The following XKR6 variants were observed in gnomAD, a reference collection of about 807,000 sequenced individuals.
The protein encoded by XKR6 is XK related 6.
Under a neutral mutation model 56.7 loss-of-function variants are expected in XKR6, and 22 were observed. The ratio of observed to expected loss-of-function variants is 0.39; its 90% CI spans 0.28 to 0.55. XKR6 has a LOEUF of 0.55. XKR6 is among the 20% of genes least tolerant of loss of function. The pLI is 0.66. For synonymous variants in XKR6, 524 were observed against 387.8 expected (o/e 1.35, Z -4.13); for missense variants, 852 against 889.0 (o/e 0.96, Z 0.53).
At chr8:11,171,153 G>C (rs1802347875) in intron 1 of XKR6, among the ~76,000 whole-genome samples, 1 of 152,250 alleles carries the variant, frequency 6.6e-6, no homozygotes, top group Non-Finnish European at 1.5e-5. Context: ...GAACTGCTAA[G>C]AAAGAAAGGA....
intron 1 of XKR6, among the ~76,000 whole-genome samples, chr8:11,193,135 G>A (rs1803673532): frequency 6.6e-6 from 1 of 152,166 alleles, no homozygotes; most frequent in Admixed American, 6.5e-5. Context: ...AAAACAATAT[G>A]TAGCTCTCTG....
At chr8:11,148,253 T>C (rs1009692242) in intron 1 of XKR6, among the ~76,000 whole-genome samples, 1 of 152,036 alleles carries the variant, frequency 6.6e-6, no homozygotes, top group Non-Finnish European at 1.5e-5. Flanking sequence ...AAAATGAGGC[T>C]ATCATGGTGG....
At chr8:11,036,253 G>A (rs1248023818) in intron 1 of XKR6, among the ~76,000 whole-genome samples, 2 of 152,184 alleles carry the variant, frequency 1.3e-5, no homozygotes, top group Non-Finnish European at 1.5e-5. Flanking sequence ...CAGCCTGGAA[G>A]TTCCTTCTTA....
intron 1 of XKR6, among the ~76,000 whole-genome samples, chr8:10,986,725 G>C (rs541557291): frequency 6.6e-6 from 1 of 151,702 alleles, no homozygotes; most frequent in African/African-American, 2.4e-5. Flanking sequence ...TTCAACTTCG[G>C]TTTCCTTATC....
intron 1 of XKR6, among the ~76,000 whole-genome samples, chr8:11,069,488 G>A (rs1017937255): frequency 6.6e-6 from 1 of 152,128 alleles, no homozygotes; most frequent in Non-Finnish European, 1.5e-5. Context: ...ACATGGCTGT[G>A]CCCCCTGTCT....
rs777502800 is a variant in XKR6, at chr8:11,130,764, C to A, written c.764+69812G>T. Among the ~76,000 whole-genome samples the A allele has an allele frequency of 1.4e-4, 21 of 152,094 alleles. No individual in the cohort carries two copies. In the South Asian group the frequency reaches 3.5e-3, roughly 26 times the overall value. On this transcript the variant is annotated intron_variant, in intron 1 of 2. Coordinates refer to ENST00000416569, the MANE Select transcript of XKR6 (RefSeq NM_173683.4). ...AACAAATAAGAAGTACGACAGATGC[C>A]ACACAGGGGGCCTTTGTAAAGAACA... is the stretch of plus-strand genomic sequence containing the variant.
chr8:11,114,735 G>A (rs868580583), intron 1 of XKR6, among the ~76,000 whole-genome samples: 1,728 of 102,398 alleles, frequency 0.017, 33 homozygotes, highest in South Asian at 0.071. Flanking sequence ...ATATGTGTGT[G>A]TGTGTGTGTG....
At chr8:11,106,863 A>AAAAAAAAAAAG (rs60435831) in intron 1 of XKR6, among the ~76,000 whole-genome samples, 18 of 109,912 alleles carry the variant, frequency 1.6e-4, no homozygotes, top group African/African-American at 3.2e-4. Context: ...AAAAAAAAAA[A>AAAAAAAAAAAG]AATAAAAAAG....
intron 1 of XKR6, among the ~76,000 whole-genome samples, chr8:11,164,448 T>A (rs908098451): frequency 5.3e-5 from 8 of 152,192 alleles, no homozygotes; most frequent in Non-Finnish European, 1.0e-4. Flanking sequence ...TCTTCTCCCC[T>A]ATGGGTTCCT....
At chr8:11,063,088 T>A in intron 1 of XKR6, 1 of 319,226 alleles carries the variant, frequency 3.1e-6, no homozygotes, top group Non-Finnish European at 6.1e-6. Context: ...TAAGGCTGGG[T>A]GCAGTGGCTC....
At chr8:10,980,099 C>A (rs191002692) in intron 1 of XKR6, among the ~76,000 whole-genome samples, 1 of 152,196 alleles carries the variant, frequency 6.6e-6, no homozygotes, top group African/African-American at 2.4e-5. Context: ...TCTATGCAGG[C>A]CTGGAGCCCA....
chr8:11,078,629 G>C (rs1800335963), intron 1 of XKR6, among the ~76,000 whole-genome samples: 1 of 152,200 alleles, frequency 6.6e-6, no homozygotes, highest in Non-Finnish European at 1.5e-5. Context: ...CTCCCTTCCT[G>C]CGAGTCTCAA....
intron 1 of XKR6, among the ~76,000 whole-genome samples, chr8:11,102,736 G>C (rs902449335): frequency 3.3e-5 from 5 of 152,174 alleles, no homozygotes; most frequent in Non-Finnish European, 7.3e-5. Flanking sequence ...GGACAGAGCT[G>C]ACATGGGAAG....
At chr8:11,165,642 G>A (rs1474508331) in intron 1 of XKR6, among the ~76,000 whole-genome samples, 1 of 152,116 alleles carries the variant, frequency 6.6e-6, no homozygotes, top group Non-Finnish European at 1.5e-5. Flanking sequence ...TAAATGCAGT[G>A]TATTAACTCT....
intron 1 of XKR6, among the ~76,000 whole-genome samples, chr8:11,117,175 T>A (rs148074105): frequency 2.6e-5 from 4 of 152,236 alleles, no homozygotes; most frequent in Non-Finnish European, 5.9e-5. Flanking sequence ...TTAGACTGAA[T>A]CTTTTTTGCA....
At chr8:11,146,597 C>T (rs961290310) in intron 1 of XKR6, among the ~76,000 whole-genome samples, 1 of 150,948 alleles carries the variant, frequency 6.6e-6, no homozygotes, top group East Asian at 1.9e-4. Context: ...CCACTGCACT[C>T]CTGCCTGTGT....
intron 1 of XKR6, among the ~76,000 whole-genome samples, chr8:11,132,473 C>A (rs760766655): frequency 6.6e-5 from 10 of 151,910 alleles, no homozygotes; most frequent in Admixed American, 2.6e-4. Context: ...ACCAATTCTC[C>A]TGCTCAGCCT....
intron 1 of XKR6, among the ~76,000 whole-genome samples, chr8:10,983,623 A>T (rs1454911826): frequency 1.3e-5 from 2 of 152,068 alleles, no homozygotes; most frequent in Non-Finnish European, 2.9e-5. Flanking sequence ...AAACTGTTCA[A>T]GACTATAGAA....
At chr8:11,187,665 A>T (rs1474240147) in intron 1 of XKR6, among the ~76,000 whole-genome samples, 5 of 152,102 alleles carry the variant, frequency 3.3e-5, no homozygotes, top group Non-Finnish European at 4.4e-5. Flanking sequence ...ATATCAAAGC[A>T]CCTTCCTTTT....
Sources: gnomAD v4.1 joint callset for allele counts (sites outside exome capture counted in the v4.1 genomes callset) on GRCh38, gnomAD v4.1.1 for gene constraint, MANE v1.5 for transcripts, NCBI Gene and HGNC (gene_info 2026-07-23, HGNC 2026-07-21) for gene names.